CECR2: variants seen among roughly 807,000 people sequenced by gnomAD.
CECR2 encodes chromatin remodeling regulator CECR2.
CECR2 carries 30 observed loss-of-function variants against 154.5 expected under a neutral mutation model. The observed-to-expected ratio is 0.19, with a 90% CI of 0.15 to 0.26. The LOEUF (loss-of-function observed/expected upper bound fraction) is 0.26. Among genes scored for constraint, CECR2 ranks in the 10% least tolerant of loss-of-function variants. CECR2 has a pLI of 1.00. For synonymous variants in CECR2, 725 were observed against 683.7 expected (o/e 1.06, Z -0.94); for missense variants, 1,743 against 1,829.3 (o/e 0.95, Z 0.86).
chr22:17,434,611 T>TGGG (rs2054474999), intron 1 of CECR2, among the ~76,000 whole-genome samples: 1 of 150,610 alleles, frequency 6.6e-6, no homozygotes, highest in African/African-American at 2.4e-5. Context: ...ACCCCCACCA[T>TGGG]GGATTAGAAC....
chr22:17,374,065 T>C (rs990764938), intron 1 of CECR2, among the ~76,000 whole-genome samples: 1 of 152,196 alleles, frequency 6.6e-6, no homozygotes, highest in African/African-American at 2.4e-5. Flanking sequence ...GTAATCATGA[T>C]GGATGTGGGG....
chr22:17,457,210 A>G (rs1459379371), intron 1 of CECR2, among the ~76,000 whole-genome samples: 2 of 152,252 alleles, frequency 1.3e-5, no homozygotes, highest in Non-Finnish European at 2.9e-5. Context: ...TATTTTTACT[A>G]GAGACGGGGT....
intron 8 of CECR2, among the ~76,000 whole-genome samples, chr22:17,523,014 A>AGGGG (rs1184925448): frequency 0.097 from 14,180 of 145,874 alleles, 973 homozygotes; most frequent in Non-Finnish European, 0.15. Flanking sequence ...CGGGGGGAAA[A>AGGGG]AAAAAAGCCT....
At chr22:17,524,501 TC>T (rs1379894527) in intron 9 of CECR2, among the ~76,000 whole-genome samples, 3 of 135,144 alleles carry the variant, frequency 2.2e-5, no homozygotes, top group Non-Finnish European at 3.2e-5. Context: ...CATGCCATTC[TC>T]CTGCCTCAGC....
chr22:17,464,940 G>A (rs1276287290), intron 1 of CECR2, among the ~76,000 whole-genome samples: 1 of 151,778 alleles, frequency 6.6e-6, no homozygotes, highest in East Asian at 1.9e-4. Context: ...CTTGACAGTT[G>A]GGTATTTGAC....
chr22:17,464,494 CT>C (rs906723651), intron 1 of CECR2, among the ~76,000 whole-genome samples: 4 of 151,918 alleles, frequency 2.6e-5, no homozygotes, highest in African/African-American at 9.7e-5. Flanking sequence ...GAATAAAAGT[CT>C]TTTTTTTCTT....
chr22:17,536,677 G>T (rs1172215927), intron 9 of CECR2, among the ~76,000 whole-genome samples: 1 of 152,192 alleles, frequency 6.6e-6, no homozygotes, highest in Non-Finnish European at 1.5e-5. Context: ...TGAGAGTCTG[G>T]TCCTAAAAAA....
chr22:17,508,901 T>G (rs1601483771), intron 7 of CECR2, among the ~76,000 whole-genome samples: 1 of 152,218 alleles, frequency 6.6e-6, no homozygotes, highest in African/African-American at 2.4e-5. Context: ...AATACTGTTT[T>G]GCAGTCTTAT....
chr22:17,519,292 G>GT (rs80083383), intron 8 of CECR2, among the ~76,000 whole-genome samples: 15,727 of 114,534 alleles, frequency 0.14, 1,102 homozygotes, highest in African/African-American at 0.23. Flanking sequence ...GGTGTTTTGT[G>GT]TTTTTTTTTT....
intron 1 of CECR2, among the ~76,000 whole-genome samples, chr22:17,453,714 G>A (rs1411103299): frequency 6.6e-6 from 1 of 152,140 alleles, no homozygotes; most frequent in Non-Finnish European, 1.5e-5. Flanking sequence ...TTCCTTGATA[G>A]GAATTTTATA....
intron 1 of CECR2, among the ~76,000 whole-genome samples, chr22:17,424,209 C>A (rs59152497): frequency 0.067 from 10,225 of 151,804 alleles, 938 homozygotes; most frequent in East Asian, 0.36. Context: ...AAGTGCTGGG[C>A]TTACAGGTGT....
chr22:17,497,592 CTT>C lies in CECR2; in HGVS notation c.405+7_405+8del. 6.2e-7 allele frequency: 1 copy of C among 1,612,418 alleles called. No homozygotes were observed. The highest frequency in any genetic ancestry group is 1.1e-5 in the South Asian group (1 of 90,986). ...ATGTCTTCGATCTTCTAAAGGTATG[CTT>C]AACTGGCGAACCTTTCCCTGTAGCT... On this transcript the variant is annotated splice_region_variant and intron_variant, in intron 3 of 18. Coordinates refer to ENST00000262608, the MANE Select transcript of CECR2 (RefSeq NM_001290047.2).
At position 17,422,859 on chromosome 22, in the gene CECR2, A is replaced by C. The variant is rs1344617373; in HGVS notation, c.126+52950A>C. The stretch of plus-strand genomic sequence containing the variant: ...GCTTTGCTCTCTGGCACTTCTTTTC[A>C]TTTTTTCTTAGAATTCCTATCTCCC... On this transcript the variant is annotated intron_variant, in intron 1 of 18. Transcript: ENST00000262608. Among the ~76,000 whole-genome samples, 5 of 150,494 alleles carry C rather than the reference A, an allele frequency of 3.3e-5. No homozygotes were observed. The East Asian group carries it at 5.9e-4, about 18-fold the overall frequency.
chr22:17,465,486 G>A (rs66526912), intron 1 of CECR2, among the ~76,000 whole-genome samples: 18,528 of 150,690 alleles, frequency 0.12, 1,540 homozygotes, highest in African/African-American at 0.24. Context: ...TTCACCACCT[G>A]TTTTTTTCCT....
intron 1 of CECR2, among the ~76,000 whole-genome samples, chr22:17,412,041 C>T (rs548898203): frequency 6.6e-6 from 1 of 152,140 alleles, no homozygotes; most frequent in African/African-American, 2.4e-5. Context: ...ATGACTCTTT[C>T]CTTAGGATGT....
intron 1 of CECR2, among the ~76,000 whole-genome samples, chr22:17,410,296 T>C (rs1272295504): frequency 6.6e-6 from 1 of 152,110 alleles, no homozygotes; most frequent in Admixed American, 6.6e-5. Flanking sequence ...CTATTTTTTT[T>C]GTTGTCACTG....
chr22:17,540,617 G>C lies in CECR2; in HGVS notation c.1701G>C (p.Gln567His), dbSNP rs1406980432. 3 of 1,613,692 alleles carry C rather than the reference G, an allele frequency of 1.9e-6. No homozygotes were observed. Reference protein sequence around the residue: ...SRDPEGSSRKQQPMENGGKSL... With the variant: ...SRDPEGSSRKHQPMENGGKSL... ...ACCCAGAAGGGTCCAGCAGGAAACA[G>C]CAGCCCATGGAGAATGGAGGAAAGT... Residue 567 changes from glutamine to histidine, a missense_variant, in exon 14 of 19, where the codon CAG becomes CAC. By Grantham distance (24) the Gln-to-His change is conservative. This residue lies in a region of CECR2 where 1,250 missense variants were observed against 1,192.1 expected (regional missense o/e 1.05). Coordinates refer to ENST00000262608, the MANE Select transcript of CECR2 (RefSeq NM_001290047.2).
intron 8 of CECR2, among the ~76,000 whole-genome samples, chr22:17,522,730 C>T (rs143705258): frequency 1.7e-3 from 259 of 152,284 alleles, no homozygotes; most frequent in African/African-American, 5.9e-3. Context: ...CTGGGCCACG[C>T]GCCATGGCTC....
intron 1 of CECR2, among the ~76,000 whole-genome samples, chr22:17,400,200 G>T (rs1355313561): frequency 2.0e-5 from 3 of 152,072 alleles, no homozygotes; most frequent in African/African-American, 7.2e-5. Context: ...TTATATATAA[G>T]TGTTTTATTT....
Sources: allele counts gnomAD v4.1 joint callset (sites outside exome capture counted in the v4.1 genomes callset), GRCh38; gene constraint gnomAD v4.1.1; regional missense constraint gnomAD v4.1.1; transcripts MANE v1.5; gene names NCBI Gene and HGNC (gene_info 2026-07-23, HGNC 2026-07-21).